The following RGS6 variants were observed in gnomAD, a reference collection of about 807,000 sequenced individuals.
RGS6 encodes regulator of G protein signaling 6.
Under a neutral mutation model 78.5 loss-of-function variants are expected in RGS6, and 30 were observed. The observed-to-expected ratio is 0.38, with a 90% CI of 0.29 to 0.52. The LOEUF is 0.52. Ranked by LOEUF, RGS6 falls within the 20% of genes least tolerant of loss-of-function variation. The pLI, the probability that RGS6 is intolerant of heterozygous loss-of-function variation, is 0.85. For missense variants in RGS6, 495 were observed against 609.7 expected (o/e 0.81, Z 1.98); for synonymous variants, 206 against 206.0 (o/e 1.00, Z 0.00).
chr14:71,968,844 A>G (rs1481986321), intron 2 of RGS6, among the ~76,000 whole-genome samples: 3 of 152,226 alleles, frequency 2.0e-5, no homozygotes, highest in African/African-American at 7.2e-5. Flanking sequence ...TTTAAAAAAT[A>G]CTTTAAGTTC....
At chr14:72,498,941 A>G (rs2096681658) in intron 13 of RGS6, among the ~76,000 whole-genome samples, 1 of 152,142 alleles carries the variant, frequency 6.6e-6, no homozygotes. Context: ...GGTCCCGGGT[A>G]TGTGGTCCAA....
At chr14:72,387,565 G>A (rs1288271014) in intron 3 of RGS6, among the ~76,000 whole-genome samples, 2 of 150,768 alleles carry the variant, frequency 1.3e-5, no homozygotes, top group South Asian at 2.1e-4. Context: ...AAAAAAAAAA[G>A]GAGAGGGATA....
intron 2 of RGS6, among the ~76,000 whole-genome samples, chr14:72,273,831 A>G (rs1003047946): frequency 1.3e-5 from 2 of 152,154 alleles, no homozygotes; most frequent in Non-Finnish European, 2.9e-5. Context: ...AAAAGCTATC[A>G]ATAAAGAAAG....
At chr14:72,306,217 C>T (rs577778619) in intron 2 of RGS6, among the ~76,000 whole-genome samples, 3 of 152,198 alleles carry the variant, frequency 2.0e-5, no homozygotes, top group African/African-American at 4.8e-5. Context: ...TTTAAGACCA[C>T]TGTTGAGACC....
the RGS6 span, among the ~76,000 whole-genome samples, chr14:71,878,083 C>T: frequency 3.3e-5 from 5 of 152,138 alleles, no homozygotes; most frequent in Admixed American, 6.5e-5. Flanking sequence ...AGGTGTCAGT[C>T]GGCCCCTACT....
intron 2 of RGS6, among the ~76,000 whole-genome samples, chr14:72,231,025 T>C (rs2049430330): frequency 1.3e-5 from 2 of 152,040 alleles, no homozygotes; most frequent in South Asian, 4.2e-4. Flanking sequence ...ACCTAGCAAA[T>C]AGAAGCCAAG....
intron 2 of RGS6, among the ~76,000 whole-genome samples, chr14:72,102,267 A>G (rs567700758): frequency 3.9e-5 from 6 of 152,294 alleles, no homozygotes; most frequent in African/African-American, 7.2e-5. Context: ...CTATTTTCCT[A>G]TGTATGTTTT....
intron 2 of RGS6, among the ~76,000 whole-genome samples, chr14:72,020,161 A>C (rs2088068313): frequency 6.6e-6 from 1 of 152,184 alleles, no homozygotes; most frequent in Admixed American, 6.5e-5. Context: ...TGGAGTAGTC[A>C]ATTATGAATT....
intron 3 of RGS6, among the ~76,000 whole-genome samples, chr14:72,416,375 C>G (rs192635540): frequency 6.6e-6 from 1 of 152,156 alleles, no homozygotes; most frequent in Non-Finnish European, 1.5e-5. Context: ...CTGCTTTCAG[C>G]TCTGAATGAG....
intron 2 of RGS6, among the ~76,000 whole-genome samples, chr14:72,011,599 G>A (rs1190425599): frequency 6.6e-6 from 1 of 151,378 alleles, no homozygotes; most frequent in Non-Finnish European, 1.5e-5. Context: ...AAAAAATAAT[G>A]CAAATAAAAC....
intron 3 of RGS6, among the ~76,000 whole-genome samples, chr14:72,387,448 C>A (rs1028046253): frequency 6.6e-6 from 1 of 151,792 alleles, no homozygotes; most frequent in Non-Finnish European, 1.5e-5. Flanking sequence ...ACCTGGGAGG[C>A]TGAGGCAGGA....
the RGS6 span, chr14:72,629,698 C>T: frequency 1.3e-6 from 2 of 1,535,978 alleles, no homozygotes; most frequent in Admixed American, 2.0e-5. Context: ...TTGACAGCCT[C>T]GGTCATGTTC....
At chr14:72,327,264 A>C (rs1050762816) in intron 2 of RGS6, among the ~76,000 whole-genome samples, 11 of 152,146 alleles carry the variant, frequency 7.2e-5, no homozygotes, top group African/African-American at 2.4e-4. Flanking sequence ...ACCTAGAGCA[A>C]ACTGCAGGCC....
chr14:72,562,416 G>A lies in RGS6; in HGVS notation c.1423-1G>A. ...GCCTCTCTGTCGCTGTCTCTCTGCA[G>A]GGAAAGTCGCTGGCGGGCAAGCGCC... On this transcript the variant is annotated splice_acceptor_variant, in intron 17 of 17. Transcript: ENST00000553525. LOFTEE classifies it high-confidence loss of function. The A allele has an allele frequency of 6.2e-7, 1 of 1,612,692 alleles. No individual in the cohort carries two copies. The highest frequency in any genetic ancestry group is 8.5e-7 in the Non-Finnish European group (1 of 1,180,036).
intron 3 of RGS6, among the ~76,000 whole-genome samples, chr14:72,421,349 G>T (rs1334638820): frequency 6.6e-6 from 1 of 151,520 alleles, no homozygotes; most frequent in East Asian, 1.9e-4. Flanking sequence ...GGATCTTCCT[G>T]GTCATCAAAA....
intron 17 of RGS6, chr14:72,540,314 G>A (rs1329024684): frequency 1.3e-6 from 2 of 1,482,192 alleles, no homozygotes; most frequent in Non-Finnish European, 1.8e-6. Flanking sequence ...TCTGCAGAAG[G>A]TGCACCCTTG....
At chr14:72,337,830 C>G (rs922360585) in intron 2 of RGS6, among the ~76,000 whole-genome samples, 1 of 152,208 alleles carries the variant, frequency 6.6e-6, no homozygotes, top group Admixed American at 6.5e-5. Context: ...GGTATTTATC[C>G]CACTGAATTT....
At chr14:72,423,311 C>G (rs980510202) in intron 3 of RGS6, among the ~76,000 whole-genome samples, 8 of 152,218 alleles carry the variant, frequency 5.3e-5, no homozygotes, top group African/African-American at 1.9e-4. Flanking sequence ...TCATGTTTAC[C>G]TGGCCCTCAG....
At chr14:72,011,271 A>T (rs550726606) in intron 2 of RGS6, among the ~76,000 whole-genome samples, 1 of 152,320 alleles carries the variant, frequency 6.6e-6, no homozygotes, top group Non-Finnish European at 1.5e-5. Flanking sequence ...TCAGAGAATC[A>T]TCTACCTTTG....
Sources: allele counts gnomAD v4.1 joint callset (sites outside exome capture counted in the v4.1 genomes callset), GRCh38; gene constraint gnomAD v4.1.1; transcripts MANE v1.5; gene names NCBI Gene and HGNC (gene_info 2026-07-23, HGNC 2026-07-21).